Variants in CPE observed in about 807,000 individuals in gnomAD.
CPE encodes carboxypeptidase E, also known as carbocypeptidase E.
Under a neutral mutation model 53.5 loss-of-function variants are expected in CPE, and 17 were observed. The observed-to-expected ratio is 0.32, with a 90% CI of 0.22 to 0.48. The LOEUF is 0.48. CPE is among the 20% of genes least tolerant of loss of function. The probability of loss-of-function intolerance (pLI) is 0.99; values close to 1 mark genes in which losing one functional copy is unlikely to be tolerated. For missense variants in CPE, 524 were observed against 614.7 expected, an observed-to-expected ratio of 0.85 and a Z score of 1.56; for synonymous variants, 226 against 228.8, an observed-to-expected ratio of 0.99 and a Z score of 0.11.
At chr4:165,450,362 T>C (rs1731787910) in intron 1 of CPE, among the ~76,000 whole-genome samples, 1 of 152,104 alleles carries the variant, frequency 6.6e-6, no homozygotes, top group South Asian at 2.1e-4. Flanking sequence ...GAAAAAATCC[T>C]CTCAAGGTCC....
rs1020388180 is a variant in CPE, at chr4:165,392,337, T to C, written c.307+12809T>C. 7.5e-5 allele frequency among the ~76,000 whole-genome samples: 11 copies of C among 146,564 alleles called. No homozygotes were observed. The Admixed American group carries it at 7.6e-4, about 10-fold the overall frequency. ...ATGTATTGTAAATATATGATATATGTATATGTAATATGTAATATACATATA... is the reference window on the plus strand; with the variant it reads ...ATGTATTGTAAATATATGATATATGCATATGTAATATGTAATATACATATA... On this transcript the variant is annotated intron_variant, in intron 1 of 8. Coordinates refer to ENST00000402744, the MANE Select transcript of CPE (RefSeq NM_001873.4).
chr4:165,416,470 T>C (rs1159329660), intron 1 of CPE, among the ~76,000 whole-genome samples: 1 of 152,068 alleles, frequency 6.6e-6, no homozygotes, highest in East Asian at 1.9e-4. Flanking sequence ...CACAAAAGGG[T>C]GCTGGAGGCT....
At chr4:165,403,669 CTTTTTTTT>C (rs368667229) in intron 1 of CPE, among the ~76,000 whole-genome samples, 1 of 132,478 alleles carries the variant, frequency 7.5e-6, no homozygotes. Flanking sequence ...TAATTTCATT[CTTTTTTTT>C]TTTTTTTTTA....
intron 1 of CPE, among the ~76,000 whole-genome samples, chr4:165,429,236 C>T (rs1731369675): frequency 6.6e-6 from 1 of 152,140 alleles, no homozygotes; most frequent in Non-Finnish European, 1.5e-5. Context: ...TCACTTACGT[C>T]TGACTGTTGG....
At chr4:165,486,493 G>T (rs1441722115) in intron 5 of CPE, among the ~76,000 whole-genome samples, 2 of 152,132 alleles carry the variant, frequency 1.3e-5, no homozygotes, top group Non-Finnish European at 2.9e-5. Flanking sequence ...AAAGGGAAAA[G>T]TCAAGCTGGG....
intron 1 of CPE, among the ~76,000 whole-genome samples, chr4:165,393,784 C>T (rs1340928772): frequency 6.6e-6 from 1 of 152,138 alleles, no homozygotes; most frequent in African/African-American, 2.4e-5. Flanking sequence ...AACTTCTTGA[C>T]CTGTGTGCTG....
chr4:165,438,557 G>T (rs1273817054), intron 1 of CPE, among the ~76,000 whole-genome samples: 1 of 152,148 alleles, frequency 6.6e-6, no homozygotes, highest in Non-Finnish European at 1.5e-5. Context: ...TATGAACAAA[G>T]CGATCATAAC....
At chr4:165,386,690 A>G (rs1321444926) in intron 1 of CPE, among the ~76,000 whole-genome samples, 2 of 152,212 alleles carry the variant, frequency 1.3e-5, no homozygotes, top group Non-Finnish European at 1.5e-5. Flanking sequence ...TCCTTTTGGA[A>G]GAGAAGAGTC....
intron 3 of CPE, among the ~76,000 whole-genome samples, chr4:165,468,880 G>T (rs1732152159): frequency 6.6e-6 from 1 of 152,212 alleles, no homozygotes; most frequent in Admixed American, 6.5e-5. Context: ...AACTTAATGT[G>T]ATGGTTAAGT....
intron 1 of CPE, among the ~76,000 whole-genome samples, chr4:165,427,458 G>A (rs1228047384): frequency 6.6e-6 from 1 of 151,752 alleles, no homozygotes; most frequent in Non-Finnish European, 1.5e-5. Flanking sequence ...ATTTTCTATA[G>A]GTATTTGTAG....
Position 165,426,551 on chromosome 4 carries a change from G to A in CPE, c.308-37839G>A, listed in dbSNP as rs199838535. ...TTCATTTTGCACCTCTTTTGGCATTGACTTTACTTTCAGTGGCCTATTTTA... is the reference window on the plus strand; with the variant it reads ...TTCATTTTGCACCTCTTTTGGCATTAACTTTACTTTCAGTGGCCTATTTTA... On this transcript the variant is annotated intron_variant, in intron 1 of 8. Transcript: ENST00000402744. 9.5e-5 allele frequency among the ~76,000 whole-genome samples: 13 copies of A among 137,364 alleles called. No homozygotes were observed. The East Asian group carries it at 2.9e-3, about 31-fold the overall frequency. The allele number at this position is 137,364 out of a possible 152,430, so 90.1% of individuals were successfully genotyped here.
At chr4:165,492,358 G>A (rs1431703405) in intron 6 of CPE, among the ~76,000 whole-genome samples, 2 of 152,168 alleles carry the variant, frequency 1.3e-5, no homozygotes, top group East Asian at 3.9e-4. Flanking sequence ...TTAATTGACA[G>A]TAGCCATATA....
At chr4:165,400,020 T>C (rs1347776111) in intron 1 of CPE, among the ~76,000 whole-genome samples, 1 of 152,186 alleles carries the variant, frequency 6.6e-6, no homozygotes, top group East Asian at 1.9e-4. Context: ...TCTTTACAAG[T>C]AGGTCTTTGG....
intron 1 of CPE, among the ~76,000 whole-genome samples, chr4:165,415,693 TTATATTTGTCACAAATATAGCA>T (rs1316746355): frequency 6.6e-6 from 1 of 152,070 alleles, no homozygotes; most frequent in Non-Finnish European, 1.5e-5. Context: ...GTGTTACATG[TTATATTTGTCACAAATATAGCA>T]TATATTTGTT....
At chr4:165,392,227 T>A (rs1236450635) in intron 1 of CPE, among the ~76,000 whole-genome samples, 1 of 147,098 alleles carries the variant, frequency 6.8e-6, no homozygotes, top group Non-Finnish European at 1.5e-5. Context: ...GTATATATAC[T>A]AATATATAGT....
rs1004136517 is a variant in CPE at position 165,498,329 on chromosome 4, T to C, written c.*719T>C. On this transcript the variant is annotated 3_prime_UTR_variant, in exon 9 of 9. Transcript: ENST00000402744. ...GTTAAAAAAAAATCCCCAGTGCATG[T>C]ATTTCAGTTCTCTAAGATTTTTGGT... is the stretch of plus-strand genomic sequence containing the variant. 5 of 152,208 alleles carry C rather than the reference T, an allele frequency of 3.3e-5. No individual in the cohort carries two copies. Among genetic ancestry groups the C allele is most frequent in the African/African-American group, 1.2e-4 (5 of 41,452 alleles). 9.4% of individuals were successfully genotyped at this position (152,208 alleles called of 1,614,324 possible).
intron 1 of CPE, among the ~76,000 whole-genome samples, chr4:165,392,881 AAAT>A (rs141175965): frequency 0.031 from 4,629 of 148,530 alleles, 124 homozygotes; most frequent in South Asian, 0.083. Context: ...TCACATATAT[AAAT>A]AATATATATA....
At chr4:165,440,543 T>A (rs542984395) in intron 1 of CPE, among the ~76,000 whole-genome samples, 1 of 151,268 alleles carries the variant, frequency 6.6e-6, no homozygotes, top group Admixed American at 6.6e-5. Flanking sequence ...ATGATTCATA[T>A]GCACACCATG....
chr4:165,485,698 C>A (rs1732495293), intron 5 of CPE, among the ~76,000 whole-genome samples: 1 of 152,084 alleles, frequency 6.6e-6, no homozygotes, highest in Non-Finnish European at 1.5e-5. Flanking sequence ...ATAAAGTAAT[C>A]TATATCAGTT....
Sources: allele counts gnomAD v4.1 joint callset (sites outside exome capture counted in the v4.1 genomes callset), GRCh38; gene constraint gnomAD v4.1.1; transcripts MANE v1.5; gene names NCBI Gene and HGNC (gene_info 2026-07-23, HGNC 2026-07-21).